Variants in SPG21 observed in about 807,000 individuals in gnomAD.
SPG21 encodes SPG21 abhydrolase domain containing, maspardin, also known as maspardin.
Under a neutral mutation model 38.9 loss-of-function variants are expected in SPG21, and 26 were observed. The ratio of observed to expected loss-of-function variants is 0.67; its 90% CI spans 0.49 to 0.93. The LOEUF is 0.93. SPG21 is among the 40% of genes least tolerant of loss of function. SPG21 has a pLI of 0.00. For missense variants in SPG21, 333 were observed against 376.5 expected (o/e 0.88, Z 0.96); for synonymous variants, 136 against 128.9 (o/e 1.05, Z -0.37).
intron 5 of SPG21, among the ~76,000 whole-genome samples, chr15:64,972,920 C>A (rs765723092): frequency 1.4e-4 from 22 of 152,150 alleles, no homozygotes; most frequent in Non-Finnish European, 1.0e-4. Context: ...AACGATATTT[C>A]CCTATACATT....
At chr15:64,969,480 A>G (rs893539202) in intron 6 of SPG21, 118 bp from the exon 7 acceptor site, 26 of 762,284 alleles carry the variant, frequency 3.4e-5, no homozygotes, top group Non-Finnish European at 3.9e-5. Context: ...GGGCCAGAAA[A>G]GTCATCAGTG....
intron 7 of SPG21, among the ~76,000 whole-genome samples, chr15:64,968,132 G>C (rs1268086329): frequency 6.6e-6 from 1 of 152,158 alleles, no homozygotes; most frequent in African/African-American, 2.4e-5. Flanking sequence ...CAGACAGCTT[G>C]AGTCCCAGAG....
chr15:64,970,770 A>T (rs2140418706), intron 5 of SPG21, among the ~76,000 whole-genome samples: 1 of 152,258 alleles, frequency 6.6e-6, no homozygotes, highest in Admixed American at 6.5e-5. Flanking sequence ...ACAGAGTCTC[A>T]GTCAGTTACC....
chr15:64,963,544 CT>C lies in SPG21; in HGVS notation c.*75del. The C allele has an allele frequency of 8.0e-7, 1 of 1,250,686 alleles. No homozygotes were observed. The highest frequency in any genetic ancestry group is 1.2e-6 in the Non-Finnish European group (1 of 854,574). The allele number at this position is 1,250,686 out of a possible 1,614,324, so 77.5% of individuals were successfully genotyped here. A position where few individuals can be genotyped will look rare whatever the true frequency, so the allele number is the denominator to read the frequency against. ...AGCCTGACGAACCTGAAGGAAAAGGCTGGCTGACGGGTGCTGATGCCACTGA... is the reference window on the plus strand; with the variant it reads ...AGCCTGACGAACCTGAAGGAAAAGGCGGCTGACGGGTGCTGATGCCACTGA... On this transcript the variant is annotated 3_prime_UTR_variant, in exon 9 of 9. Coordinates refer to ENST00000204566, the MANE Select transcript of SPG21 (RefSeq NM_016630.7).
chr15:64,982,142 C>CTTTTTTTTTT lies in SPG21; in HGVS notation c.64-1127_64-1118dup, dbSNP rs56118434. 3.6e-4 allele frequency among the ~76,000 whole-genome samples: 41 copies of CTTTTTTTTTT among 114,606 alleles called. 1 individual carries two copies. The highest frequency in any genetic ancestry group is 5.3e-3 in the Middle Eastern group (1 of 188). 75.2% of individuals were successfully genotyped at this position (114,606 alleles called of 152,430 possible). ...CCACTCACATTTTTTCTTTTCTTTT[C>CTTTTTTTTTT]TTTTTTTTTTTTTTTTTTTTGAGAC... On this transcript the variant is annotated intron_variant, in intron 2 of 8. Coordinates refer to ENST00000204566, the MANE Select transcript of SPG21 (RefSeq NM_016630.7).
Position 64,981,293 on chromosome 15 carries a change from T to C in SPG21, c.64-268A>G. 1.8e-5 allele frequency: 6 copies of C among 330,244 alleles called. No individual in the cohort carries two copies. The East Asian group carries it at 2.2e-4, about 12-fold the overall frequency. The allele number at this position is 330,244 out of a possible 1,614,324, so 20.5% of individuals were successfully genotyped here. On this transcript the variant is annotated intron_variant, in intron 2 of 8. Transcript: ENST00000204566. ...CTCTGTTTCTTCCCCCTCCTCCTTT[T>C]TTTTTTTTTTTTTTGAGACAGAGTC... is the stretch of plus-strand genomic sequence containing the variant.
At chr15:64,987,926 C>T (rs1361548167) in intron 1 of SPG21, among the ~76,000 whole-genome samples, 1 of 152,138 alleles carries the variant, frequency 6.6e-6, no homozygotes, top group Non-Finnish European at 1.5e-5. Flanking sequence ...CCCAGCTACG[C>T]AGGAAGCTGA....
At chr15:64,978,989 CA>C (rs71136304) in intron 3 of SPG21, among the ~76,000 whole-genome samples, 1 of 152,036 alleles carries the variant, frequency 6.6e-6, no homozygotes, top group African/African-American at 2.4e-5. Flanking sequence ...ATTACAACAA[CA>C]AAAAAATTTA....
In SPG21 at chr15:64,980,980, C is replaced by T. The variant is rs142452716; in HGVS notation, c.109G>A (p.Ala37Thr). 2.5e-6 allele frequency: 4 copies of T among 1,613,944 alleles called. No individual in the cohort carries two copies. The highest frequency in any genetic ancestry group is 1.7e-5 in the Admixed American group (1 of 59,992). The stretch of plus-strand genomic sequence containing the variant: ...GGACACCTGATACTTCGGGGGCCCG[C>T]GTCATAGAGCGACCATATCTTACTG... ...DDSKIWSLYD[A>T]GPRSIRCPLI... Residue 37 changes from alanine to threonine, a missense_variant, in exon 3 of 9, where the codon GCG becomes ACG. Ala to Thr is a moderately conservative substitution (Grantham distance 58, BLOSUM62 0). Transcript: ENST00000204566.
intron 3 of SPG21, among the ~76,000 whole-genome samples, chr15:64,978,160 C>G (rs898035120): frequency 4.7e-5 from 7 of 150,306 alleles, no homozygotes; most frequent in African/African-American, 1.5e-4. Flanking sequence ...ACATATAAAA[C>G]CAACTGGCTG....
chr15:64,977,195 G>A (rs2085795638), intron 3 of SPG21, among the ~76,000 whole-genome samples: 1 of 152,026 alleles, frequency 6.6e-6, no homozygotes, highest in African/African-American at 2.4e-5. Context: ...CTCCTGAGTA[G>A]CTGAGATTAC....
intron 3 of SPG21, among the ~76,000 whole-genome samples, chr15:64,979,830 C>A: frequency 7.8e-6 from 1 of 127,978 alleles, no homozygotes; most frequent in African/African-American, 3.2e-5. Flanking sequence ...ATGTCCTGAC[C>A]AATGTGGAAG....
chr15:64,977,087 G>C (rs907356170), intron 3 of SPG21, among the ~76,000 whole-genome samples: 3 of 152,092 alleles, frequency 2.0e-5, no homozygotes, highest in African/African-American at 7.2e-5. Context: ...TGTTTCTTGA[G>C]ACAGAGTCTC....
chr15:64,964,556 G>A (rs1022127812), intron 8 of SPG21, among the ~76,000 whole-genome samples: 2 of 152,142 alleles, frequency 1.3e-5, no homozygotes, highest in Non-Finnish European at 2.9e-5. Context: ...AAACTGCCAG[G>A]GCACTCACCC....
At chr15:64,963,797 C>T in intron 8 of SPG21, 61 bp from the exon 9 acceptor site, 1 of 1,506,160 alleles carries the variant, frequency 6.6e-7, no homozygotes, top group Non-Finnish European at 9.2e-7. Flanking sequence ...ACTCTTGTTG[C>T]CCAGGCTGGA....
chr15:64,983,297 A>C (rs2085919879), intron 2 of SPG21: 2 of 330,262 alleles, frequency 6.1e-6, no homozygotes, highest in Non-Finnish European at 1.1e-5. Flanking sequence ...AATAAAAATG[A>C]GTACAGTTAC....
At chr15:64,967,236 A>C (rs933861665) in intron 7 of SPG21, among the ~76,000 whole-genome samples, 3 of 152,022 alleles carry the variant, frequency 2.0e-5, no homozygotes, top group African/African-American at 4.8e-5. Context: ...TGTACCCATA[A>C]AAATAAAAAA....
At chr15:64,975,975 A>G (rs2085764650) in intron 4 of SPG21, among the ~76,000 whole-genome samples, 1 of 152,172 alleles carries the variant, frequency 6.6e-6, no homozygotes, top group Non-Finnish European at 1.5e-5. Flanking sequence ...ACCGACTGCT[A>G]ATGAATATGA....
rs1162268018 is a variant in SPG21 at position 64,989,732 on chromosome 15, G to A, written c.-92C>T. 2 of 152,512 alleles carry A rather than the reference G, an allele frequency of 1.3e-5. No individual in the cohort carries two copies. The highest frequency in any genetic ancestry group is 1.9e-4 in the East Asian group (1 of 5,204). 9.4% of individuals were successfully genotyped at this position (152,512 alleles called of 1,614,324 possible). ...CCGCTCTTCGCTCCAGTACGAGCGC[G>A]GGCCGTGGAGGCGGCTGGGCCCGGG... On this transcript the variant is annotated 5_prime_UTR_variant, in exon 1 of 9. Transcript: ENST00000204566.
Sources: allele counts gnomAD v4.1 joint callset (sites outside exome capture counted in the v4.1 genomes callset), GRCh38; gene constraint gnomAD v4.1.1; transcripts MANE v1.5; gene names NCBI Gene and HGNC (gene_info 2026-07-23, HGNC 2026-07-21).